CUX1: variants seen among roughly 807,000 people sequenced by gnomAD.
CUX1 encodes the protein cut like homeobox 1, also known as protein CASP.
CUX1 carries 31 observed loss-of-function variants against 158.8 expected under a neutral mutation model. That is an observed-to-expected ratio of 0.20 (90% CI 0.15 to 0.26). The LOEUF (loss-of-function observed/expected upper bound fraction) is 0.26. Ranked by LOEUF, CUX1 falls within the 10% of genes least tolerant of loss-of-function variation. The pLI is 1.00. For synonymous variants in CUX1, 879 were observed against 862.1 expected, an observed-to-expected ratio of 1.02 and a Z score of -0.34; for missense variants, 1,589 against 2,014.6, an observed-to-expected ratio of 0.79 and a Z score of 4.04.
intron 2 of CUX1, among the ~76,000 whole-genome samples, chr7:101,963,045 C>T (rs2031085): frequency 0.25 from 37,818 of 152,056 alleles, 6,160 homozygotes; most frequent in African/African-American, 0.46. Context: ...AAGGGATTTA[C>T]TTTCAAGTTG....
intron 1 of CUX1, among the ~76,000 whole-genome samples, chr7:101,867,347 G>A (rs978816794): frequency 5.3e-5 from 8 of 152,188 alleles, no homozygotes; most frequent in South Asian, 4.1e-4. Context: ...TAATGTGCTC[G>A]CCCTGCCCCA....
intron 1 of CUX1, among the ~76,000 whole-genome samples, chr7:101,856,846 C>G (rs1299448413): frequency 2.0e-5 from 3 of 152,206 alleles, no homozygotes; most frequent in African/African-American, 7.2e-5. Context: ...CGGCCTCGGC[C>G]TCCTTGACCT....
At position 102,210,919 on chromosome 7, in the gene CUX1, A is replaced by G. The variant is rs1159210183; in HGVS notation, c.3130+5749A>G. Among the ~76,000 whole-genome samples, 4 of 152,298 alleles carry G rather than the reference A, an allele frequency of 2.6e-5. No homozygotes were observed. The East Asian group carries it at 7.7e-4, about 29-fold the overall frequency. On this transcript the variant is annotated intron_variant, in intron 20 of 23. Transcript: ENST00000292535. Reference sequence around the variant, plus strand: ...AGGTCCACGTTCCTTTTGAATGTGCATGCGTATCATGGTCATGGCTCTTAG... The same window carrying G: ...AGGTCCACGTTCCTTTTGAATGTGCGTGCGTATCATGGTCATGGCTCTTAG...
At chr7:101,856,306 A>G (rs1796815144) in intron 1 of CUX1, among the ~76,000 whole-genome samples, 1 of 152,086 alleles carries the variant, frequency 6.6e-6, no homozygotes, top group African/African-American at 2.4e-5. Context: ...CACGACCCAT[A>G]ATAACCAGAA....
chr7:101,872,930 T>G (rs536839428), intron 1 of CUX1, among the ~76,000 whole-genome samples: 1 of 152,280 alleles, frequency 6.6e-6, no homozygotes, highest in South Asian at 2.1e-4. Context: ...TGGAGTGCAG[T>G]GGCCCGATCT....
upstream of CUX1, among the ~76,000 whole-genome samples, chr7:101,816,405 G>A (rs1791786160): frequency 7.0e-6 from 1 of 141,992 alleles, no homozygotes; most frequent in Non-Finnish European, 1.6e-5. Flanking sequence ...CCCGGGCCCC[G>A]CGCCGCCGCC....
At chr7:101,966,172 C>T (rs1811182298) in intron 2 of CUX1, among the ~76,000 whole-genome samples, 1 of 152,062 alleles carries the variant, frequency 6.6e-6, no homozygotes, top group African/African-American at 2.4e-5. Context: ...CTCAGCTGAT[C>T]CTCTTGCCCC....
intron 2 of CUX1, among the ~76,000 whole-genome samples, chr7:102,020,641 A>T (rs1386077421): frequency 6.6e-6 from 1 of 152,224 alleles, no homozygotes; most frequent in Non-Finnish European, 1.5e-5. Flanking sequence ...ACACTTTAGG[A>T]GGCCAAGGCA....
chr7:101,903,075 G>A (rs954187412), intron 1 of CUX1, among the ~76,000 whole-genome samples: 4 of 152,130 alleles, frequency 2.6e-5, no homozygotes, highest in African/African-American at 7.2e-5. Context: ...GCGAAGCCTC[G>A]GTTTCCTTAT....
intron 4 of CUX1, among the ~76,000 whole-genome samples, chr7:102,089,325 C>G (rs2130826831): frequency 6.6e-6 from 1 of 152,282 alleles, no homozygotes; most frequent in South Asian, 2.1e-4. Context: ...GATTTTTCCC[C>G]TGATCATCCT....
intron 21 of CUX1, among the ~76,000 whole-genome samples, chr7:102,232,301 C>T (rs782179298): frequency 1.3e-4 from 20 of 152,022 alleles, no homozygotes; most frequent in Admixed American, 4.6e-4. Flanking sequence ...GGCAATATAG[C>T]GAGACCCTGT....
intron 14 of CUX1, among the ~76,000 whole-genome samples, chr7:102,265,569 C>T (rs1279599030): frequency 6.6e-6 from 1 of 151,938 alleles, no homozygotes; most frequent in Non-Finnish European, 1.5e-5. Context: ...TCCCAAGTAG[C>T]AGGGACAGGC....
intron 3 of CUX1, among the ~76,000 whole-genome samples, chr7:102,047,021 C>T: frequency 6.6e-6 from 1 of 152,138 alleles, no homozygotes; most frequent in Admixed American, 6.6e-5. Context: ...AGGGCTGTAA[C>T]CCTGTCCCCT....
chr7:102,076,334 G>A (rs1248957475), intron 4 of CUX1, among the ~76,000 whole-genome samples: 3 of 152,006 alleles, frequency 2.0e-5, no homozygotes, highest in South Asian at 2.1e-4. Context: ...GCAGTGAGCC[G>A]AGATTGTACT....
chr7:102,205,314 CG>C (rs1795839028), intron 20 of CUX1, 144 bp downstream of exon 20: 2 of 652,042 alleles, frequency 3.1e-6, no homozygotes, highest in East Asian at 2.8e-5. Context: ...TATCTGCAAA[CG>C]GGGTCCCTCT....
chr7:102,165,437 C>G (rs1554508481), intron 9 of CUX1, among the ~76,000 whole-genome samples: 2 of 150,856 alleles, frequency 1.3e-5, no homozygotes, highest in African/African-American at 4.9e-5. Context: ...ACTGCACCCT[C>G]CCCCTCCCAG....
chr7:102,190,708 C>T (rs1554516770), intron 12 of CUX1, among the ~76,000 whole-genome samples: 1 of 152,158 alleles, frequency 6.6e-6, no homozygotes, highest in African/African-American at 2.4e-5. Flanking sequence ...TCTGCTGGTT[C>T]GAGGCTTCCT....
chr7:102,143,599 CAT>C (rs1328925821), intron 8 of CUX1, among the ~76,000 whole-genome samples: 1 of 151,906 alleles, frequency 6.6e-6, no homozygotes, highest in Non-Finnish European at 1.5e-5. Flanking sequence ...CAAAGAAAAA[CAT>C]ATATATGGTA....
At chr7:101,981,429 G>T (rs932586564) in intron 2 of CUX1, among the ~76,000 whole-genome samples, 1 of 152,192 alleles carries the variant, frequency 6.6e-6, no homozygotes, top group African/African-American at 2.4e-5. Context: ...AGGGCACTCA[G>T]TGTGGCCTGG....
Sources: allele counts gnomAD v4.1 joint callset (sites outside exome capture counted in the v4.1 genomes callset), GRCh38; gene constraint gnomAD v4.1.1; transcripts MANE v1.5; gene names NCBI Gene and HGNC (gene_info 2026-07-23, HGNC 2026-07-21).